The following NUBPL variants were observed in gnomAD, a reference collection of about 807,000 sequenced individuals.
The protein encoded by NUBPL is iron-sulfur cluster transfer protein NUBPL.
In NUBPL, 31 loss-of-function variants were observed where a neutral mutation model predicts 45.7. That is an observed-to-expected ratio of 0.68 (90% CI 0.51 to 0.92). The LOEUF is 0.92. Among genes scored for constraint, NUBPL ranks in the 40% least tolerant of loss-of-function variants. The probability of loss-of-function intolerance (pLI) is 0.00; values close to 1 mark genes in which losing one functional copy is unlikely to be tolerated. For missense variants in NUBPL, 401 were observed against 398.7 expected (o/e 1.01, Z -0.05); for synonymous variants, 144 against 140.9 (o/e 1.02, Z -0.15).
At chr14:31,708,440 G>C (rs547160010) in intron 6 of NUBPL, among the ~76,000 whole-genome samples, 1 of 152,226 alleles carries the variant, frequency 6.6e-6, no homozygotes, top group African/African-American at 2.4e-5. Flanking sequence ...TGGGTAACTT[G>C]TTCCCCATAT....
At chr14:31,847,052 C>T (rs1182955951) in intron 9 of NUBPL, among the ~76,000 whole-genome samples, 1 of 152,006 alleles carries the variant, frequency 6.6e-6, no homozygotes, top group African/African-American at 2.4e-5. Context: ...ATGTGTTAAC[C>T]TTTCTTTGGC....
intron 10 of NUBPL, 75 bp from the exon 11 acceptor site, chr14:31,859,043 T>C: frequency 1.5e-6 from 2 of 1,300,384 alleles, no homozygotes; most frequent in South Asian, 2.4e-5. Context: ...AGTGGGCCTC[T>C]ATAACAAACA....
At chr14:31,641,432 T>C (rs2035696204) in intron 4 of NUBPL, among the ~76,000 whole-genome samples, 1 of 152,178 alleles carries the variant, frequency 6.6e-6, no homozygotes, top group Non-Finnish European at 1.5e-5. Context: ...ATGTGATATT[T>C]GTCTTTCTAG....
chr14:31,591,318 T>C (rs1484033842), intron 3 of NUBPL, among the ~76,000 whole-genome samples: 1 of 152,088 alleles, frequency 6.6e-6, no homozygotes, highest in East Asian at 1.9e-4. Flanking sequence ...GCCGCCACCA[T>C]GCCTGGCTAA....
intron 7 of NUBPL, among the ~76,000 whole-genome samples, chr14:31,793,946 G>T (rs12589330): frequency 1.1e-5 from 1 of 93,620 alleles, no homozygotes. Flanking sequence ...TGATCTCATT[G>T]TTCAATTCCC....
intron 6 of NUBPL, among the ~76,000 whole-genome samples, chr14:31,683,936 A>G (rs978575682): frequency 4.7e-5 from 7 of 150,034 alleles, no homozygotes; most frequent in African/African-American, 1.7e-4. Flanking sequence ...TGCTACTACC[A>G]TAGTAGTAGT....
intron 6 of NUBPL, among the ~76,000 whole-genome samples, chr14:31,719,393 T>C (rs1203481372): frequency 1.3e-5 from 2 of 152,128 alleles, no homozygotes; most frequent in African/African-American, 2.4e-5. Flanking sequence ...TAATTGCAAG[T>C]ATATAGACAT....
chr14:31,641,317 C>G (rs1354111774), intron 4 of NUBPL, among the ~76,000 whole-genome samples: 1 of 152,128 alleles, frequency 6.6e-6, no homozygotes, highest in African/African-American at 2.4e-5. Context: ...TCATCACTCC[C>G]TTACCCCCTT....
At chr14:31,688,147 A>G (rs1465838027) in intron 6 of NUBPL, among the ~76,000 whole-genome samples, 1 of 152,208 alleles carries the variant, frequency 6.6e-6, no homozygotes, top group Non-Finnish European at 1.5e-5. Context: ...TGAAGAATCT[A>G]AAGGTGGAGA....
chr14:31,585,046 A>G (rs1343243697), intron 3 of NUBPL, among the ~76,000 whole-genome samples: 1 of 152,150 alleles, frequency 6.6e-6, no homozygotes, highest in African/African-American at 2.4e-5. Context: ...GGACACAGAT[A>G]TTCAGTCCAC....
At chr14:31,788,890 A>G (rs186016598) in intron 7 of NUBPL, among the ~76,000 whole-genome samples, 47 of 152,316 alleles carry the variant, frequency 3.1e-4, no homozygotes, top group Non-Finnish European at 2.8e-4. Flanking sequence ...CAGAGGTGGT[A>G]GTATAAATCT....
At chr14:31,686,919 C>T (rs1175135489) in intron 6 of NUBPL, 1 of 152,180 alleles carries the variant, frequency 6.6e-6, no homozygotes, top group East Asian at 1.9e-4. Flanking sequence ...CGTTTGAGAC[C>T]AACACGTGCG....
intron 7 of NUBPL, among the ~76,000 whole-genome samples, chr14:31,803,257 A>G (rs1456777571): frequency 6.6e-6 from 1 of 152,238 alleles, no homozygotes; most frequent in East Asian, 1.9e-4. Context: ...GAACATAGTA[A>G]TTTCACTTAG....
chr14:31,813,511 A>G (rs563333768), intron 7 of NUBPL, among the ~76,000 whole-genome samples: 1 of 151,368 alleles, frequency 6.6e-6, no homozygotes, highest in East Asian at 1.9e-4. Context: ...ATACAGATAT[A>G]TATATATACA....
At chr14:31,640,936 T>C (rs1197399163) in intron 4 of NUBPL, among the ~76,000 whole-genome samples, 1 of 136,592 alleles carries the variant, frequency 7.3e-6, no homozygotes, top group Non-Finnish European at 1.7e-5. Context: ...CCAGGTCTTA[T>C]TTCTTTTTGT....
At chr14:31,735,954 C>A (rs1000513583) in intron 6 of NUBPL, among the ~76,000 whole-genome samples, 1 of 152,116 alleles carries the variant, frequency 6.6e-6, no homozygotes, top group Admixed American at 6.5e-5. Flanking sequence ...TCACAAACTG[C>A]TATGGTGGTG....
chr14:31,782,111 A>G (rs2039201599), intron 6 of NUBPL, among the ~76,000 whole-genome samples: 1 of 152,158 alleles, frequency 6.6e-6, no homozygotes, highest in African/African-American at 2.4e-5. Flanking sequence ...TTAAAAACAC[A>G]CCTGGCCAGG....
At chr14:31,735,718 C>T (rs769199757) in intron 6 of NUBPL, among the ~76,000 whole-genome samples, 2 of 151,778 alleles carry the variant, frequency 1.3e-5, no homozygotes, top group South Asian at 2.1e-4. Context: ...CGGGCGTCGT[C>T]GCGCATGCCT....
chr14:31,680,794 A>G (rs1177734428), intron 6 of NUBPL, among the ~76,000 whole-genome samples: 4 of 152,154 alleles, frequency 2.6e-5, no homozygotes, highest in Non-Finnish European at 5.9e-5. Flanking sequence ...AATTGTTTAG[A>G]GAATAATGAC....
Sources: allele counts gnomAD v4.1 joint callset (sites outside exome capture counted in the v4.1 genomes callset), GRCh38; gene constraint gnomAD v4.1.1; transcripts MANE v1.5; gene names NCBI Gene and HGNC (gene_info 2026-07-23, HGNC 2026-07-21).